The following LRMDA variants were observed in gnomAD, a reference collection of about 807,000 sequenced individuals.
The protein encoded by LRMDA is leucine rich melanocyte differentiation associated.
In LRMDA, 18 loss-of-function variants were observed where a neutral mutation model predicts 29.8. That is an observed-to-expected ratio of 0.60 (90% CI 0.42 to 0.90). The LOEUF (loss-of-function observed/expected upper bound fraction) is 0.90. Among genes scored for constraint, LRMDA ranks in the 40% least tolerant of loss-of-function variants. The pLI is 0.00. For missense variants in LRMDA, 273 were observed against 273.9 expected, an observed-to-expected ratio of 1.00 and a Z score of 0.02; for synonymous variants, 125 against 109.4, an observed-to-expected ratio of 1.14 and a Z score of -0.89.
At position 75,648,525 on chromosome 10, in the gene LRMDA, T is replaced by C. The variant is rs148443837; in HGVS notation, c.131+210031T>C. ...TTGTGCTGCTCCACATATGCAAATA[T>C]GGACCACGTGGGCCTGGGTCCTGGT... On this transcript the variant is annotated intron_variant, in intron 2 of 6. Transcript: ENST00000611255. Among the ~76,000 whole-genome samples the C allele has an allele frequency of 1.6e-3, 248 of 152,268 alleles. 1 individual carries two copies. Among genetic ancestry groups the C allele is most frequent in the African/African-American group, 5.5e-3 (229 of 41,550 alleles).
chr10:75,965,778 A>T (rs1224250139), intron 2 of LRMDA, among the ~76,000 whole-genome samples: 1 of 152,178 alleles, frequency 6.6e-6, no homozygotes, highest in Non-Finnish European at 1.5e-5. Flanking sequence ...AGTGAAACAG[A>T]AATCCAGAAT....
chr10:75,675,450 C>T (rs1589154103), intron 2 of LRMDA, among the ~76,000 whole-genome samples: 1 of 152,170 alleles, frequency 6.6e-6, no homozygotes, highest in East Asian at 1.9e-4. Context: ...AAGTTTGACT[C>T]TGAAAGAAAA....
At chr10:75,724,867 C>T (rs897579789) in intron 2 of LRMDA, among the ~76,000 whole-genome samples, 2 of 152,186 alleles carry the variant, frequency 1.3e-5, no homozygotes, top group African/African-American at 4.8e-5. Flanking sequence ...GCACCTGTCT[C>T]TAGATGCCTG....
intron 6 of LRMDA, among the ~76,000 whole-genome samples, chr10:76,420,264 A>T (rs1222377093): frequency 6.6e-6 from 1 of 151,914 alleles, no homozygotes; most frequent in Non-Finnish European, 1.5e-5. Flanking sequence ...ATTCTTTATT[A>T]TACCTGTTTT....
At chr10:76,084,424 A>C (rs1396129848) in intron 5 of LRMDA, among the ~76,000 whole-genome samples, 1 of 114,582 alleles carries the variant, frequency 8.7e-6, no homozygotes, top group African/African-American at 3.4e-5. Context: ...CATGTTGGCC[A>C]GGCTGGTCTT....
chr10:75,870,768 C>A (rs190333389), intron 2 of LRMDA, among the ~76,000 whole-genome samples: 206 of 152,286 alleles, frequency 1.4e-3, no homozygotes, highest in Middle Eastern at 3.4e-3. Context: ...AAACTCCCCC[C>A]TTTCTTGTAG....
At chr10:76,233,208 C>A (rs984947665) in intron 5 of LRMDA, among the ~76,000 whole-genome samples, 3 of 152,106 alleles carry the variant, frequency 2.0e-5, no homozygotes, top group African/African-American at 7.2e-5. Flanking sequence ...TGCAATAAAG[C>A]AAGTAACATG....
intron 5 of LRMDA, among the ~76,000 whole-genome samples, chr10:76,312,301 T>C (rs1260591242): frequency 2.0e-5 from 3 of 152,196 alleles, no homozygotes; most frequent in Non-Finnish European, 4.4e-5. Flanking sequence ...ATATTTCCAT[T>C]ATGAACTGGG....
chr10:76,207,855 T>C (rs1357191437), intron 5 of LRMDA, among the ~76,000 whole-genome samples: 2 of 152,088 alleles, frequency 1.3e-5, no homozygotes, highest in Non-Finnish European at 1.5e-5. Flanking sequence ...TCCCAGCTAC[T>C]TGGAAGCCTG....
At chr10:76,411,194 T>C (rs75287705) in intron 6 of LRMDA, among the ~76,000 whole-genome samples, 1,882 of 152,328 alleles carry the variant, frequency 0.012, 28 homozygotes, top group African/African-American at 0.043. Context: ...TTACAACTTG[T>C]CAGCGTCACT....
chr10:75,599,419 A>G (rs974117369), intron 2 of LRMDA, among the ~76,000 whole-genome samples: 3 of 152,246 alleles, frequency 2.0e-5, no homozygotes, highest in Non-Finnish European at 2.9e-5. Context: ...CATTCGGATC[A>G]AACAGCCGCC....
At chr10:75,740,871 T>C (rs1842820358) in intron 2 of LRMDA, among the ~76,000 whole-genome samples, 1 of 152,186 alleles carries the variant, frequency 6.6e-6, no homozygotes, top group Admixed American at 6.5e-5. Flanking sequence ...AAGAGTATAT[T>C]GCATTGATAT....
intron 5 of LRMDA, among the ~76,000 whole-genome samples, chr10:76,255,908 G>T (rs1306783057): frequency 6.6e-6 from 1 of 152,180 alleles, no homozygotes; most frequent in African/African-American, 2.4e-5. Flanking sequence ...TAAAGCAGAT[G>T]AATAACATAT....
intron 2 of LRMDA, among the ~76,000 whole-genome samples, chr10:75,886,446 G>A (rs1248816789): frequency 1.3e-5 from 2 of 152,172 alleles, no homozygotes; most frequent in African/African-American, 4.8e-5. Flanking sequence ...GAAACTAGGT[G>A]AAATCCTTGG....
At chr10:75,585,123 T>C (rs1840641222) in intron 2 of LRMDA, among the ~76,000 whole-genome samples, 1 of 152,318 alleles carries the variant, frequency 6.6e-6, no homozygotes, top group South Asian at 2.1e-4. Flanking sequence ...CAGAGACCTC[T>C]CCTCTTGCTG....
At chr10:76,491,936 C>T (rs1424337573) in intron 6 of LRMDA, among the ~76,000 whole-genome samples, 1 of 151,978 alleles carries the variant, frequency 6.6e-6, no homozygotes, top group Non-Finnish European at 1.5e-5. Flanking sequence ...TCTTCAATCT[C>T]ACTGATTCTT....
At chr10:76,039,848 G>T (rs1203594505) in intron 3 of LRMDA, among the ~76,000 whole-genome samples, 1 of 152,112 alleles carries the variant, frequency 6.6e-6, no homozygotes, top group Non-Finnish European at 1.5e-5. Context: ...GCTATGTAAG[G>T]GTTACTATTA....
At chr10:75,858,884 C>G (rs1017326598) in intron 2 of LRMDA, among the ~76,000 whole-genome samples, 2 of 152,226 alleles carry the variant, frequency 1.3e-5, no homozygotes, top group African/African-American at 4.8e-5. Context: ...TAGGAATTTG[C>G]TACATTGACT....
intron 2 of LRMDA, among the ~76,000 whole-genome samples, chr10:75,603,538 A>C (rs1840915368): frequency 6.6e-6 from 1 of 152,228 alleles, no homozygotes; most frequent in Admixed American, 6.5e-5. Flanking sequence ...AGCATAAGAA[A>C]GAGAGGGAAT....
Sources: gnomAD v4.1 joint callset for allele counts (sites outside exome capture counted in the v4.1 genomes callset) on GRCh38, gnomAD v4.1.1 for gene constraint, MANE v1.5 for transcripts, NCBI Gene and HGNC (gene_info 2026-07-23, HGNC 2026-07-21) for gene names.